SEMA5A: variants seen among roughly 807,000 people sequenced by gnomAD.
The protein encoded by SEMA5A is semaphorin-5A.
Under a neutral mutation model 135.5 loss-of-function variants are expected in SEMA5A, and 55 were observed. The observed-to-expected ratio is 0.41, with a 90% CI of 0.33 to 0.51. The LOEUF (loss-of-function observed/expected upper bound fraction) is 0.51. Among genes scored for constraint, SEMA5A ranks in the 20% least tolerant of loss-of-function variants. The probability of loss-of-function intolerance (pLI) is 0.37; values close to 1 mark genes in which losing one functional copy is unlikely to be tolerated. For missense variants in SEMA5A, 1,290 were observed against 1,419.9 expected (o/e 0.91, Z 1.47); for synonymous variants, 580 against 546.5 (o/e 1.06, Z -0.85).
At chr5:9,122,916 A>G (rs1205429488) in intron 13 of SEMA5A, 79 bp from the exon 14 acceptor site, 1 of 1,280,720 alleles carries the variant, frequency 7.8e-7, no homozygotes, top group African/African-American at 1.5e-5. Context: ...AAAATCCCTC[A>G]TAAGACAATC....
chr5:9,337,369 C>A (rs79010364), intron 4 of SEMA5A, among the ~76,000 whole-genome samples: 2 of 152,066 alleles, frequency 1.3e-5, no homozygotes, highest in African/African-American at 4.8e-5. Context: ...GCATATGCCC[C>A]GGACAACTTA....
chr5:9,275,481 A>G (rs1308816810), intron 5 of SEMA5A, among the ~76,000 whole-genome samples: 1 of 152,230 alleles, frequency 6.6e-6, no homozygotes, highest in Non-Finnish European at 1.5e-5. Flanking sequence ...AACTCATTTC[A>G]TGAGGCCAGC....
intron 3 of SEMA5A, among the ~76,000 whole-genome samples, chr5:9,355,304 G>A (rs1007078260): frequency 9.2e-5 from 14 of 152,134 alleles, no homozygotes; most frequent in Non-Finnish European, 1.6e-4. Flanking sequence ...CATGAGCTGC[G>A]TGGCATTTTT....
chr5:9,515,308 T>C (rs751574555), intron 1 of SEMA5A, among the ~76,000 whole-genome samples: 1 of 152,178 alleles, frequency 6.6e-6, no homozygotes, highest in Non-Finnish European at 1.5e-5. Context: ...ATGTATATCA[T>C]GTTAGCACCA....
intron 5 of SEMA5A, among the ~76,000 whole-genome samples, chr5:9,288,621 T>C (rs944721936): frequency 6.6e-6 from 1 of 152,230 alleles, no homozygotes; most frequent in African/African-American, 2.4e-5. Context: ...AACTGTTCTC[T>C]ACAGTGTTTA....
intron 15 of SEMA5A, among the ~76,000 whole-genome samples, chr5:9,113,609 G>T (rs1740359059): frequency 6.6e-6 from 1 of 152,010 alleles, no homozygotes; most frequent in South Asian, 2.1e-4. Flanking sequence ...TATTGAAAAA[G>T]ACAAAAACAC....
rs10536071 is a variant in SEMA5A at position 9,428,088 on chromosome 5, GTATATATATATA to G, written c.-78+9656_-78+9667del. Among the ~76,000 whole-genome samples, 679 of 145,636 alleles carry G rather than the reference GTATATATATATA, an allele frequency of 4.7e-3. 7 individuals carry two copies. The highest frequency in any genetic ancestry group is 0.015 in the African/African-American group (595 of 39,570). Reference sequence around the variant, plus strand: ...TGTGTGTAAATATATATATGTGTGTGTATATATATATATATATATATATATATATTCAACTCT... The same window carrying G: ...TGTGTGTAAATATATATATGTGTGTGTATATATATATATATATTCAACTCT... On this transcript the variant is annotated intron_variant, in intron 2 of 22. Coordinates refer to ENST00000382496, the MANE Select transcript of SEMA5A (RefSeq NM_003966.3).
At chr5:9,064,242 A>G (rs1471633280) in intron 17 of SEMA5A, among the ~76,000 whole-genome samples, 2 of 152,228 alleles carry the variant, frequency 1.3e-5, no homozygotes, top group Non-Finnish European at 2.9e-5. Flanking sequence ...TCAGAGGAAA[A>G]TGAGTCCCAT....
At chr5:9,055,205 G>C (rs1736824628) in intron 18 of SEMA5A, among the ~76,000 whole-genome samples, 1 of 152,170 alleles carries the variant, frequency 6.6e-6, no homozygotes, top group East Asian at 1.9e-4. Context: ...TGTCAAATAT[G>C]ATTTTCAGTT....
In SEMA5A at chr5:9,164,071, A is replaced by AATATAATATATATTTATAATATAAAT. The variant is rs1743452090; in HGVS notation, c.1274-9377_1274-9376insATTTATATTATAAATATATATTATAT. On this transcript the variant is annotated intron_variant, in intron 11 of 22. Transcript: ENST00000382496. ...ATATTTATAATATAAATATTTATATAATTTATATAATTATAAATATATCAT... is the reference window on the plus strand; with the variant it reads ...ATATTTATAATATAAATATTTATATAATATAATATATATTTATAATATAAATATTTATATAATTATAAATATATCAT... Among the ~76,000 whole-genome samples the AATATAATATATATTTATAATATAAAT allele has an allele frequency of 4.8e-5, 4 of 82,594 alleles. 2 individuals are homozygous for AATATAATATATATTTATAATATAAAT. The highest frequency in any genetic ancestry group is 1.7e-4 in the African/African-American group (4 of 23,318). 54.2% of individuals were successfully genotyped at this position (82,594 alleles called of 152,430 possible).
intron 13 of SEMA5A, among the ~76,000 whole-genome samples, chr5:9,135,028 T>A (rs1388014778): frequency 2.0e-5 from 3 of 152,128 alleles, no homozygotes; most frequent in Non-Finnish European, 4.4e-5. Flanking sequence ...CTAATCCTAC[T>A]AGGAAGCTGT....
intron 1 of SEMA5A, among the ~76,000 whole-genome samples, chr5:9,528,667 G>A (rs1737270322): frequency 6.6e-6 from 1 of 152,176 alleles, no homozygotes; most frequent in African/African-American, 2.4e-5. Context: ...CCAGGTGACT[G>A]CTACTGCATG....
intron 5 of SEMA5A, among the ~76,000 whole-genome samples, chr5:9,304,798 C>T (rs10071937): frequency 0.014 from 2,061 of 152,254 alleles, 44 homozygotes; most frequent in African/African-American, 0.043. Context: ...CATAACTATG[C>T]AAATACTCTT....
intron 5 of SEMA5A, among the ~76,000 whole-genome samples, chr5:9,258,916 G>T (rs1749244794): frequency 7.4e-6 from 1 of 134,742 alleles, no homozygotes; most frequent in Non-Finnish European, 1.5e-5. Flanking sequence ...CTGGGTTCAA[G>T]CGTTCAAGCA....
intron 1 of SEMA5A, among the ~76,000 whole-genome samples, chr5:9,439,096 C>G (rs1758138867): frequency 6.6e-6 from 1 of 152,128 alleles, no homozygotes; most frequent in South Asian, 2.1e-4. Flanking sequence ...CCCAGGCACC[C>G]TCATATCGTG....
chr5:9,324,532 C>T (rs1752783616), intron 4 of SEMA5A, among the ~76,000 whole-genome samples: 1 of 152,122 alleles, frequency 6.6e-6, no homozygotes, highest in African/African-American at 2.4e-5. Context: ...TGCATTTTTG[C>T]TGTAGGAAAA....
intron 11 of SEMA5A, among the ~76,000 whole-genome samples, chr5:9,160,250 C>G (rs533941647): frequency 6.6e-6 from 1 of 152,234 alleles, no homozygotes; most frequent in East Asian, 1.9e-4. Context: ...TCATCCATCT[C>G]AAGGACAAGC....
chr5:9,054,339 G>T, intron 18 of SEMA5A, 82 bp from the exon 19 acceptor site: 1 of 1,512,372 alleles, frequency 6.6e-7, no homozygotes, highest in Non-Finnish European at 8.9e-7. Context: ...AAGCTAAGTG[G>T]ATTCTGTTTA....
chr5:9,224,024 A>G (rs1354094699), intron 8 of SEMA5A, among the ~76,000 whole-genome samples: 1 of 152,188 alleles, frequency 6.6e-6, no homozygotes, highest in Non-Finnish European at 1.5e-5. Context: ...ATGTTGCCAC[A>G]TGTGGATGCA....
Sources: gnomAD v4.1 joint callset for allele counts (sites outside exome capture counted in the v4.1 genomes callset) on GRCh38, gnomAD v4.1.1 for gene constraint, MANE v1.5 for transcripts, NCBI Gene and HGNC (gene_info 2026-07-23, HGNC 2026-07-21) for gene names.